Variants in RNF13 observed in about 807,000 individuals in gnomAD.
RNF13 encodes the protein ring finger protein 13, also known as E3 ubiquitin-protein ligase RNF13.
A neutral mutation model predicts 37.7 loss-of-function variants in RNF13; 19 were observed. The observed-to-expected ratio is 0.50, with a 90% CI of 0.35 to 0.74. RNF13 has a LOEUF of 0.74. Among genes scored for constraint, RNF13 ranks in the 30% least tolerant of loss-of-function variants. RNF13 has a pLI of 0.01. For missense variants in RNF13, 375 were observed against 453.0 expected, an observed-to-expected ratio of 0.83 and a Z score of 1.56; for synonymous variants, 144 against 157.8, an observed-to-expected ratio of 0.91 and a Z score of 0.65.
At chr3:149,846,522 C>G (rs1576755192) in intron 2 of RNF13, among the ~76,000 whole-genome samples, 1 of 152,150 alleles carries the variant, frequency 6.6e-6, no homozygotes, top group Non-Finnish European at 1.5e-5. Context: ...CCAGGCTGGT[C>G]TTGAACTCCT....
chr3:149,872,194 C>A, intron 4 of RNF13, 40 bp downstream of exon 4: 1 of 1,350,338 alleles, frequency 7.4e-7, no homozygotes, highest in South Asian at 1.4e-5. Context: ...CCTATTTGTT[C>A]AGTTAGCTAA....
At chr3:149,948,739 A>C (rs1251844165) in intron 8 of RNF13, among the ~76,000 whole-genome samples, 1 of 152,152 alleles carries the variant, frequency 6.6e-6, no homozygotes, top group East Asian at 1.9e-4. Context: ...TTTTAGAAAA[A>C]TTCTGGGCCA....
chr3:149,917,981 G>A (rs189392365), intron 7 of RNF13, among the ~76,000 whole-genome samples: 6 of 152,044 alleles, frequency 3.9e-5, no homozygotes, highest in Admixed American at 6.6e-5. Context: ...AATTTTCTGC[G>A]TTCTTTTTCT....
chr3:149,854,455 A>G (rs778551116), intron 3 of RNF13, among the ~76,000 whole-genome samples: 9 of 152,200 alleles, frequency 5.9e-5, no homozygotes, highest in Non-Finnish European at 1.3e-4. Flanking sequence ...ATGAACATGT[A>G]TAATTCATAA....
intron 1 of RNF13, among the ~76,000 whole-genome samples, chr3:149,838,573 C>T (rs1228154385): frequency 6.6e-6 from 1 of 152,220 alleles, no homozygotes; most frequent in African/African-American, 2.4e-5. Context: ...GAAGCCAGGG[C>T]CCAAACTGTA....
rs1261058308 is a variant in RNF13, at chr3:149,961,914, C to G, written c.*810C>G. 1 of 152,646 alleles carries G rather than the reference C, an allele frequency of 6.6e-6. No homozygotes were observed. Among genetic ancestry groups the G allele is most frequent in the African/African-American group, 2.4e-5 (1 of 41,446 alleles). 9.5% of individuals were successfully genotyped at this position (152,646 alleles called of 1,614,324 possible). A position where few individuals can be genotyped will look rare whatever the true frequency, so the allele number is the denominator to read the frequency against. ...CTAATTAGCCCTGCTAAACTATGTACAGAGGAAACTGTTCAAGTATTGGAT... is the reference window on the plus strand; with the variant it reads ...CTAATTAGCCCTGCTAAACTATGTAGAGAGGAAACTGTTCAAGTATTGGAT... On this transcript the variant is annotated 3_prime_UTR_variant, in exon 10 of 10. Coordinates refer to ENST00000392894, the MANE Select transcript of RNF13 (RefSeq NM_183381.3).
chr3:149,837,746 C>T (rs1028772832), intron 1 of RNF13, among the ~76,000 whole-genome samples: 6 of 152,156 alleles, frequency 3.9e-5, no homozygotes, highest in Non-Finnish European at 8.8e-5. Flanking sequence ...TGGGTGAGGA[C>T]ACAGCCAAAC....
intron 1 of RNF13, among the ~76,000 whole-genome samples, chr3:149,823,467 C>A (rs1189805167): frequency 6.6e-6 from 1 of 152,126 alleles, no homozygotes; most frequent in African/African-American, 2.4e-5. Context: ...TTCTGGAAAG[C>A]AATTGGGCAA....
At chr3:149,829,967 T>C (rs1267261591) in intron 1 of RNF13, among the ~76,000 whole-genome samples, 3 of 151,574 alleles carry the variant, frequency 2.0e-5, no homozygotes, top group Non-Finnish European at 2.9e-5. Context: ...GCACATGCTC[T>C]CTTGCTTGCT....
At position 149,834,697 on chromosome 3, in the gene RNF13, G is replaced by T. The variant is rs184166292; in HGVS notation, c.-16-11314G>T. 9.3e-4 allele frequency among the ~76,000 whole-genome samples: 141 copies of T among 152,312 alleles called. 1 individual carries two copies. Among genetic ancestry groups the T allele is most frequent in the African/African-American group, 3.2e-3 (135 of 41,570 alleles). ...GCACTTTCTTCCCTCTCTCTCACTTGCTGCTCTTGCTGTGTGATGGGCTCC... is the reference window on the plus strand; with the variant it reads ...GCACTTTCTTCCCTCTCTCTCACTTTCTGCTCTTGCTGTGTGATGGGCTCC... On this transcript the variant is annotated intron_variant, in intron 1 of 9. Transcript: ENST00000392894.
intron 3 of RNF13, among the ~76,000 whole-genome samples, chr3:149,867,712 A>ATTG (rs1248470012): frequency 6.6e-6 from 1 of 151,678 alleles, no homozygotes; most frequent in Non-Finnish European, 1.5e-5. Flanking sequence ...GCAGCATTGT[A>ATTG]TTGGGTCTTG....
chr3:149,918,420 A>C (rs1338105438), intron 7 of RNF13, among the ~76,000 whole-genome samples: 1 of 152,044 alleles, frequency 6.6e-6, no homozygotes, highest in East Asian at 1.9e-4. Context: ...TGTTGTTTTT[A>C]TTGTTGTCAT....
intron 1 of RNF13, among the ~76,000 whole-genome samples, chr3:149,831,136 C>T (rs903785799): frequency 1.7e-4 from 26 of 152,224 alleles, no homozygotes; most frequent in African/African-American, 6.0e-4. Context: ...TTTGCTAGGG[C>T]AGTGTGGAAG....
At chr3:149,865,540 A>G (rs1724727853) in intron 3 of RNF13, among the ~76,000 whole-genome samples, 1 of 152,016 alleles carries the variant, frequency 6.6e-6, no homozygotes, top group African/African-American at 2.4e-5. Context: ...ATCATGGCTC[A>G]CTGCAGCCTT....
At chr3:149,949,619 G>C (rs1464088781) in intron 8 of RNF13, among the ~76,000 whole-genome samples, 1 of 151,566 alleles carries the variant, frequency 6.6e-6, no homozygotes, top group Non-Finnish European at 1.5e-5. Flanking sequence ...TCTTCACATA[G>C]GTCCTCTACC....
intron 3 of RNF13, among the ~76,000 whole-genome samples, chr3:149,856,116 G>C (rs1264626058): frequency 1.4e-5 from 2 of 146,050 alleles, no homozygotes; most frequent in Non-Finnish European, 3.0e-5. Flanking sequence ...TTCACTGCCT[G>C]ACCAAAAAAA....
At chr3:149,816,064 A>T (rs1355932093) in intron 1 of RNF13, among the ~76,000 whole-genome samples, 1 of 142,260 alleles carries the variant, frequency 7.0e-6, no homozygotes, top group Non-Finnish European at 1.5e-5. Flanking sequence ...GGCTAATTAA[A>T]TTTTTTTTTT....
chr3:149,832,698 G>C (rs906560398), intron 1 of RNF13, among the ~76,000 whole-genome samples: 10 of 151,848 alleles, frequency 6.6e-5, no homozygotes, highest in Non-Finnish European at 1.5e-4. Flanking sequence ...ATGAAAGAGG[G>C]GACACAACTA....
chr3:149,939,411 C>T (rs1720032046), intron 8 of RNF13: 9 of 525,812 alleles, frequency 1.7e-5, no homozygotes, highest in Middle Eastern at 6.3e-4. Context: ...TCACATACTC[C>T]TCTTCTTCAT....
Sources: allele counts gnomAD v4.1 joint callset (sites outside exome capture counted in the v4.1 genomes callset), GRCh38; gene constraint gnomAD v4.1.1; transcripts MANE v1.5; gene names NCBI Gene and HGNC (gene_info 2026-07-23, HGNC 2026-07-21).